CAPNS1: variants seen among roughly 807,000 people sequenced by gnomAD.
The protein encoded by CAPNS1 is calpain small subunit 1.
A neutral mutation model predicts 39.2 loss-of-function variants in CAPNS1; 32 were observed. The observed-to-expected ratio is 0.82, with a 90% CI of 0.62 to 1.10. The LOEUF (loss-of-function observed/expected upper bound fraction) is 1.10. Ranked by LOEUF, CAPNS1 falls within the 50% of genes least tolerant of loss-of-function variation. The pLI is 0.00. For missense variants in CAPNS1, 353 were observed against 373.1 expected, an observed-to-expected ratio of 0.95 and a Z score of 0.44; for synonymous variants, 153 against 136.2, an observed-to-expected ratio of 1.12 and a Z score of -0.86.
In CAPNS1 at chr19:36,142,652, C is replaced by A. The variant is rs1309502809; in HGVS notation, c.244C>A (p.Pro82Thr). 1.2e-6 allele frequency: 2 copies of A among 1,613,742 alleles called. No individual in the cohort carries two copies. The highest frequency in any genetic ancestry group is 2.2e-5 in the East Asian group (1 of 44,880). The change falls in exon 4 of 11, where the codon CCC (proline) becomes ACC (threonine). Residue 82 changes from proline (P) to threonine (T), a missense_variant and splice_region_variant. By Grantham distance (38) the Pro-to-Thr change is conservative. Transcript: ENST00000246533. ...GCTCTGAGCTCTCCTCCCTTTGCAG[C>A]CCCCACGCACACATTACTCCAACAT... ...AAAQYNPEPP[P>T]PRTHYSNIEA...
intron 3 of CAPNS1, 78 bp downstream of exon 3, chr19:36,142,411 C>A: frequency 2.7e-6 from 2 of 746,582 alleles, no homozygotes; most frequent in Non-Finnish European, 2.3e-6. Context: ...TGTAGAGAAG[C>A]CCCACCTTCC....
chr19:36,146,101 A>T, intron 8 of CAPNS1, 47 bp downstream of exon 8: 1 of 1,602,094 alleles, frequency 6.2e-7, no homozygotes, highest in Non-Finnish European at 8.6e-7. Flanking sequence ...GATGGGTGAG[A>T]AAACCTCTAC....
At chr19:36,149,438 C>A in intron 9 of CAPNS1, 140 bp from the exon 10 acceptor site, 1 of 711,042 alleles carries the variant, frequency 1.4e-6, no homozygotes, top group Non-Finnish European at 2.1e-6. Flanking sequence ...AAGCACTTTA[C>A]CCCATGCTTG....
chr19:36,144,824 C>G (rs1158662894), intron 6 of CAPNS1, among the ~76,000 whole-genome samples: 5 of 152,244 alleles, frequency 3.3e-5, no homozygotes, highest in Admixed American at 6.5e-5. Context: ...CTCAGTTTCT[C>G]TCTCTGTAAA....
chr19:36,140,855 G>A, intron 1 of CAPNS1, 142 bp from the exon 2 acceptor site: 1 of 1,330,674 alleles, frequency 7.5e-7, no homozygotes, highest in Non-Finnish European at 1.0e-6. Context: ...CCACCCATCC[G>A]CGGACAACCC....
At chr19:36,147,334 T>C (rs1974604040) in intron 9 of CAPNS1, among the ~76,000 whole-genome samples, 1 of 152,132 alleles carries the variant, frequency 6.6e-6, no homozygotes, top group Non-Finnish European at 1.5e-5. Flanking sequence ...TAAGAGAAGG[T>C]AGGAGCAGTG....
intron 6 of CAPNS1, 105 bp downstream of exon 6, chr19:36,143,233 T>G (rs1399156795): frequency 1.0e-6 from 1 of 981,814 alleles, no homozygotes; most frequent in Non-Finnish European, 1.6e-6. Flanking sequence ...GATGTGGAAA[T>G]GCATTCATCA....
At chr19:36,146,144 G>A in intron 8 of CAPNS1, 52 bp from the exon 9 acceptor site, 1 of 1,580,428 alleles carries the variant, frequency 6.3e-7, no homozygotes, top group East Asian at 2.2e-5. Context: ...CTGGGCATGG[G>A]AGTGGGTTGG....
intron 6 of CAPNS1, among the ~76,000 whole-genome samples, chr19:36,143,869 T>TA (rs1555729983): frequency 8.7e-6 from 1 of 114,964 alleles, no homozygotes; most frequent in Non-Finnish European, 1.8e-5. Context: ...TCTCAAAAAA[T>TA]AAAATAAAAA....
At chr19:36,144,911 T>TG (rs1259127414) in intron 6 of CAPNS1, among the ~76,000 whole-genome samples, 2 of 152,224 alleles carry the variant, frequency 1.3e-5, no homozygotes, top group African/African-American at 4.8e-5. Flanking sequence ...GCATAGTATG[T>TG]GGTCTGTACA....
chr19:36,142,978 G>T lies in CAPNS1; in HGVS notation c.391+12G>T. ...GGTTGTGACACGACGTAAGTGACCG[G>T]GGTTAAGGAATAGGGTAGATTCAGA... On this transcript the variant is annotated intron_variant, in intron 5 of 10. Transcript: ENST00000246533. The T allele has an allele frequency of 6.2e-7, 1 of 1,614,170 alleles. No homozygotes were observed. The highest frequency in any genetic ancestry group is 2.2e-5 in the East Asian group (1 of 44,884).
rs199834892 is a variant in CAPNS1 at position 36,142,262 on chromosome 19, G to A, written c.210-38G>A. On this transcript the variant is annotated intron_variant, in intron 2 of 10. Transcript: ENST00000246533. ...TGTAGTGCTGCCCGTTGGAGGCCCC[G>A]CCCCTGGCACTAACCCCTCCCCCTT... is the stretch of plus-strand genomic sequence containing the variant. 47 of 1,493,586 alleles carry A rather than the reference G, an allele frequency of 3.1e-5. No individual in the cohort carries two copies. The African/African-American group carries it at 4.0e-4, about 13-fold the overall frequency. 92.5% of individuals were successfully genotyped at this position (1,493,586 alleles called of 1,614,324 possible).
chr19:36,146,677 C>G (rs950949496), intron 9 of CAPNS1, among the ~76,000 whole-genome samples: 2 of 152,000 alleles, frequency 1.3e-5, no homozygotes. Context: ...CTGATGCAGC[C>G]CAAGGGGTCA....
rs1485453699 is a variant in CAPNS1 at position 36,146,009 on chromosome 19, G to A, written c.559G>A (p.Gly187Arg). The change falls in exon 8 of 11, where the codon GGG becomes AGG. Residue 187 changes from glycine (G) to arginine (R), a missense_variant. Transcript: ENST00000246533. ...CAAACAGTTCGACACTGACCGATCA[G>A]GGACCATTTGCAGTAGTGAACTCCC... ...IYKQFDTDRS[G>R]TICSSELPGA... 6.2e-7 allele frequency: 1 copy of A among 1,614,184 alleles called. No homozygotes were observed. Among genetic ancestry groups the A allele is most frequent in the Non-Finnish European group, 8.5e-7 (1 of 1,180,030 alleles).
At chr19:36,145,077 T>C (rs1372510358) in intron 6 of CAPNS1, among the ~76,000 whole-genome samples, 1 of 152,178 alleles carries the variant, frequency 6.6e-6, no homozygotes, top group African/African-American at 2.4e-5. Flanking sequence ...GCGATCCACC[T>C]GCCTTGGCTT....
At chr19:36,140,796 G>T (rs1974328202) in intron 1 of CAPNS1, 6 of 591,282 alleles carry the variant, frequency 1.0e-5, no homozygotes, top group Non-Finnish European at 1.1e-5. Context: ...AGCCCCACGG[G>T]TGCCTTTTAG....
intron 1 of CAPNS1, chr19:36,140,702 C>T (rs1456442445): frequency 5.5e-6 from 2 of 362,232 alleles, no homozygotes; most frequent in Non-Finnish European, 9.9e-6. Context: ...GAACGCCTTA[C>T]GCCAACTTGG....
rs2242525 is a variant in CAPNS1, at chr19:36,141,328, G to T, written c.209+108G>T. On this transcript the variant is annotated intron_variant, in intron 2 of 10. Coordinates refer to ENST00000246533, the MANE Select transcript of CAPNS1 (RefSeq NM_001749.4). ...AAAATAGAATAGGATTAACCTGGAGGCTAACCTGGGTACATGAATTAGGCC... is the reference window on the plus strand; with the variant it reads ...AAAATAGAATAGGATTAACCTGGAGTCTAACCTGGGTACATGAATTAGGCC... 2,106 of 1,395,840 alleles carry T rather than the reference G, an allele frequency of 1.5e-3. 48 individuals carry two copies. The East Asian group carries it at 0.04, about 26-fold the overall frequency. 86.5% of individuals were successfully genotyped at this position (1,395,840 alleles called of 1,614,324 possible). A position where few individuals can be genotyped will look rare whatever the true frequency, so the allele number is the denominator to read the frequency against.
chr19:36,144,198 A>T (rs575077010), intron 6 of CAPNS1: 1 of 151,132 alleles, frequency 6.6e-6, no homozygotes, highest in African/African-American at 2.4e-5. Flanking sequence ...AAAAGAAAAA[A>T]AAAGAAAAAT....
Sources: allele counts gnomAD v4.1 joint callset (sites outside exome capture counted in the v4.1 genomes callset), GRCh38; gene constraint gnomAD v4.1.1; transcripts MANE v1.5; gene names NCBI Gene and HGNC (gene_info 2026-07-23, HGNC 2026-07-21).